CD226: variants seen among roughly 807,000 people sequenced by gnomAD.
CD226 encodes the protein CD226 antigen.
In CD226, 24 loss-of-function variants were observed where a neutral mutation model predicts 34.9. That is an observed-to-expected ratio of 0.69 (90% CI 0.50 to 0.97). The LOEUF is 0.97. CD226 is among the 50% of genes least tolerant of loss of function. The pLI, the probability that CD226 is intolerant of heterozygous loss-of-function variation, is 0.00. For synonymous variants in CD226, 148 were observed against 147.4 expected, an observed-to-expected ratio of 1.00 and a Z score of -0.03; for missense variants, 397 against 412.7, an observed-to-expected ratio of 0.96 and a Z score of 0.33.
chr18:69,876,268 G>T (rs1983856881), intron 3 of CD226, among the ~76,000 whole-genome samples: 1 of 152,134 alleles, frequency 6.6e-6, no homozygotes, highest in Non-Finnish European at 1.5e-5. Flanking sequence ...ACAGGATGTA[G>T]AAATCTTTTC....
At chr18:69,921,386 CT>C (rs1260485476) in intron 2 of CD226, among the ~76,000 whole-genome samples, 2 of 152,146 alleles carry the variant, frequency 1.3e-5, no homozygotes, top group African/African-American at 2.4e-5. Flanking sequence ...GCTTCGCCAG[CT>C]TTGGGGGCGC....
chr18:69,949,092 A>C (rs1273503654), upstream of CD226, among the ~76,000 whole-genome samples: 1 of 152,098 alleles, frequency 6.6e-6, no homozygotes, highest in Non-Finnish European at 1.5e-5. Flanking sequence ...CGAAAATGAG[A>C]CTGAGTCTGG....
intron 2 of CD226, among the ~76,000 whole-genome samples, chr18:69,919,910 C>T (rs1162281800): frequency 6.7e-6 from 1 of 150,032 alleles, no homozygotes; most frequent in Non-Finnish European, 1.5e-5. Context: ...CAAGGTCTCG[C>T]TCTATTGCCC....
chr18:69,914,585 G>A (rs1328077920), intron 2 of CD226, among the ~76,000 whole-genome samples: 2 of 152,190 alleles, frequency 1.3e-5, no homozygotes, highest in Admixed American at 6.5e-5. Context: ...GAAAAGGCAA[G>A]ATAGACTAGA....
At chr18:69,911,739 G>T (rs1408412796) in intron 2 of CD226, among the ~76,000 whole-genome samples, 2 of 152,032 alleles carry the variant, frequency 1.3e-5, no homozygotes, top group Non-Finnish European at 2.9e-5. Flanking sequence ...CTAATCACTT[G>T]ATTAAAATAA....
chr18:69,950,084 G>A (rs531403351), upstream of CD226, among the ~76,000 whole-genome samples: 18 of 151,194 alleles, frequency 1.2e-4, no homozygotes, highest in Admixed American at 5.9e-4. Flanking sequence ...ATGCACACAC[G>A]CATGCACTTA....
chr18:69,950,905 C>T (rs1269675741), upstream of CD226, among the ~76,000 whole-genome samples: 1 of 151,712 alleles, frequency 6.6e-6, no homozygotes, highest in African/African-American at 2.4e-5. Context: ...TTTGAGTATC[C>T]ACCCCTTTCC....
At chr18:69,897,600 T>C (rs1406901999) in intron 2 of CD226, among the ~76,000 whole-genome samples, 1 of 150,164 alleles carries the variant, frequency 6.7e-6, no homozygotes, top group Non-Finnish European at 1.5e-5. Context: ...GCCATTGTCT[T>C]GGCATACAAA....
intron 5 of CD226, among the ~76,000 whole-genome samples, chr18:69,865,310 A>G (rs4891376): frequency 0.37 from 56,771 of 151,968 alleles, 10,779 homozygotes; most frequent in Middle Eastern, 0.49. Context: ...GTTTTTAAGA[A>G]GAAAGCAAAA....
chr18:69,933,594 G>A (rs2055615254), intron 2 of CD226, among the ~76,000 whole-genome samples: 1 of 152,286 alleles, frequency 6.6e-6, no homozygotes, highest in South Asian at 2.1e-4. Flanking sequence ...TGGCGTATAG[G>A]CATACATTCT....
At chr18:69,939,982 T>C (rs1378453700) in intron 2 of CD226, among the ~76,000 whole-genome samples, 1 of 152,242 alleles carries the variant, frequency 6.6e-6, no homozygotes, top group Admixed American at 6.5e-5. Flanking sequence ...TCTTGAGTTG[T>C]AGTTCCCATA....
intron 2 of CD226, among the ~76,000 whole-genome samples, chr18:69,936,502 G>A (rs1456033761): frequency 3.3e-5 from 5 of 151,982 alleles, no homozygotes; most frequent in South Asian, 2.1e-4. Flanking sequence ...ATTTCATTAC[G>A]GAGTGAGATT....
intron 4 of CD226, among the ~76,000 whole-genome samples, chr18:69,870,214 A>T (rs1464002060): frequency 6.6e-6 from 1 of 151,936 alleles, no homozygotes; most frequent in African/African-American, 2.4e-5. Flanking sequence ...TTTCTCCCTA[A>T]ATATTAAATT....
intron 2 of CD226, among the ~76,000 whole-genome samples, chr18:69,929,402 A>G (rs1358111873): frequency 6.6e-6 from 1 of 152,018 alleles, no homozygotes; most frequent in Non-Finnish European, 1.5e-5. Context: ...TTTTCTCCCT[A>G]TATGCTCCAT....
chr18:69,933,300 C>T (rs1442742782), intron 2 of CD226, among the ~76,000 whole-genome samples: 1 of 152,214 alleles, frequency 6.6e-6, no homozygotes, highest in African/African-American at 2.4e-5. Context: ...TTCCACCCTC[C>T]GACCTTCCCC....
intron 2 of CD226, among the ~76,000 whole-genome samples, chr18:69,943,882 C>A (rs2055756767): frequency 6.6e-6 from 1 of 151,736 alleles, no homozygotes; most frequent in Admixed American, 6.6e-5. Flanking sequence ...AGCAAAAAAT[C>A]AACATATTTA....
Position 69,861,713 on chromosome 18 carries a change from T to C in CD226, c.*2601A>G, listed in dbSNP as rs996553893. 6.6e-6 allele frequency: 1 copy of C among 151,716 alleles called. No individual in the cohort carries two copies. Among genetic ancestry groups the C allele is most frequent in the African/African-American group, 2.4e-5 (1 of 41,360 alleles). The allele number at this position is 151,716 out of a possible 1,614,324, so 9.4% of individuals were successfully genotyped here. On this transcript the variant is annotated 3_prime_UTR_variant, in exon 6 of 6. Coordinates refer to ENST00000582621, the MANE Select transcript of CD226 (RefSeq NM_001303618.2). Reference sequence around the variant, plus strand: ...GCTTTCTTAGTAACAATCAGAATCATAGGTGCAAAAGAGTAGAGGGGGAGA... The same window carrying C: ...GCTTTCTTAGTAACAATCAGAATCACAGGTGCAAAAGAGTAGAGGGGGAGA...
upstream of CD226, among the ~76,000 whole-genome samples, chr18:69,952,120 G>A (rs143140010): frequency 2.9e-4 from 44 of 152,270 alleles, no homozygotes; most frequent in African/African-American, 9.9e-4. Flanking sequence ...CATGTCTTTT[G>A]CAGCAACATA....
intron 2 of CD226, among the ~76,000 whole-genome samples, chr18:69,906,339 A>T (rs2055252649): frequency 6.6e-6 from 1 of 152,246 alleles, no homozygotes; most frequent in South Asian, 2.1e-4. Flanking sequence ...CTGCTCAGGA[A>T]ATCAGAGGTT....
Sources: gnomAD v4.1 joint callset for allele counts (sites outside exome capture counted in the v4.1 genomes callset) on GRCh38, gnomAD v4.1.1 for gene constraint, MANE v1.5 for transcripts, NCBI Gene and HGNC (gene_info 2026-07-23, HGNC 2026-07-21) for gene names.